NT5M: variants seen among roughly 807,000 people sequenced by gnomAD.
The protein encoded by NT5M is 5',3'-nucleotidase, mitochondrial.
Under a neutral mutation model 22.2 loss-of-function variants are expected in NT5M, and 22 were observed. That is an observed-to-expected ratio of 0.99 (90% CI 0.71 to 1.41). The LOEUF (loss-of-function observed/expected upper bound fraction) is 1.41, where lower values mean the gene tolerates loss of function less well. Among genes scored for constraint, NT5M ranks in the 40% most tolerant of loss-of-function variants. NT5M has a pLI of 0.00. For missense variants in NT5M, 322 were observed against 314.8 expected, an observed-to-expected ratio of 1.02 and a Z score of -0.17; for synonymous variants, 167 against 133.0, an observed-to-expected ratio of 1.26 and a Z score of -1.76.
At chr17:17,334,585 C>A (rs577566253) in intron 3 of NT5M, among the ~76,000 whole-genome samples, 6 of 148,830 alleles carry the variant, frequency 4.0e-5, no homozygotes, top group African/African-American at 1.5e-4. Context: ...AAGTGATTCT[C>A]GTGCCTCAGC....
At chr17:17,313,817 A>G (rs917471444) in intron 2 of NT5M, among the ~76,000 whole-genome samples, 37 of 152,280 alleles carry the variant, frequency 2.4e-4, no homozygotes, top group African/African-American at 8.9e-4. Flanking sequence ...GGAACCTGCC[A>G]GGTAGTGAAG....
In NT5M at chr17:17,333,072, CATT is replaced by C. The variant is rs199911942; in HGVS notation, c.429+9828_429+9830del. 2.2e-3 allele frequency among the ~76,000 whole-genome samples: 338 copies of C among 152,224 alleles called. 3 individuals carry two copies. The highest frequency in any genetic ancestry group is 7.3e-3 in the African/African-American group (303 of 41,538). ...TTCTCATAGGCAGGGAGTGGTGTCT[CATT>C]GTTGTTTTGATTTGCATTTCCTTGA... On this transcript the variant is annotated intron_variant, in intron 3 of 4. Transcript: ENST00000389022.
Position 17,306,246 on chromosome 17 carries a change from C to A in NT5M, c.268-297C>A, listed in dbSNP as rs560376724. On this transcript the variant is annotated intron_variant, in intron 1 of 4. Coordinates refer to ENST00000389022, the MANE Select transcript of NT5M (RefSeq NM_020201.4). ...CCACTCGAATCCAGCCTAACAAGCACGCAGTTCCTGATGATTGGCCTCAGG... is the reference window on the plus strand; with the variant it reads ...CCACTCGAATCCAGCCTAACAAGCAAGCAGTTCCTGATGATTGGCCTCAGG... Among the ~76,000 whole-genome samples, 3 of 152,310 alleles carry A rather than the reference C, an allele frequency of 2.0e-5. No homozygotes were observed. The East Asian group carries it at 5.8e-4, about 29-fold the overall frequency.
chr17:17,326,269 T>G (rs2049263993), intron 3 of NT5M, among the ~76,000 whole-genome samples: 1 of 152,208 alleles, frequency 6.6e-6, no homozygotes. Context: ...ATGAGGCAGC[T>G]CATTTACCAG....
chr17:17,316,479 G>A (rs2049030291), intron 2 of NT5M, among the ~76,000 whole-genome samples: 1 of 151,450 alleles, frequency 6.6e-6, no homozygotes, highest in Non-Finnish European at 1.5e-5. Context: ...GGGTTCAAGT[G>A]ATTCTCCTGC....
Position 17,340,780 on chromosome 17 carries a change from C to CT in NT5M, c.430-4013dup, listed in dbSNP as rs561328726. Among the ~76,000 whole-genome samples, 11 of 152,240 alleles carry CT rather than the reference C, an allele frequency of 7.2e-5. No individual in the cohort carries two copies. The South Asian group carries it at 2.1e-3, about 29-fold the overall frequency. ...GACCTTGTGATCTGCCCGCCTTGGCCTCTCAAAGTGCTGGGATTACAGTGT... is the reference window on the plus strand; with the variant it reads ...GACCTTGTGATCTGCCCGCCTTGGCCTTCTCAAAGTGCTGGGATTACAGTGT... On this transcript the variant is annotated intron_variant, in intron 3 of 4. Coordinates refer to ENST00000389022, the MANE Select transcript of NT5M (RefSeq NM_020201.4).
chr17:17,316,068 T>A (rs1278942394), intron 2 of NT5M, among the ~76,000 whole-genome samples: 1 of 148,470 alleles, frequency 6.7e-6, no homozygotes, highest in Non-Finnish European at 1.5e-5. Context: ...TTTTTTTTTT[T>A]AAATGAGACA....
chr17:17,316,085 C>T (rs938452324), intron 2 of NT5M, among the ~76,000 whole-genome samples: 1 of 139,872 alleles, frequency 7.1e-6, no homozygotes, highest in Non-Finnish European at 1.5e-5. Context: ...GACAGAATCT[C>T]ACTCTGTCCC....
intron 2 of NT5M, among the ~76,000 whole-genome samples, chr17:17,315,622 T>C (rs988143361): frequency 2.0e-5 from 3 of 152,022 alleles, no homozygotes; most frequent in African/African-American, 7.2e-5. Context: ...GGCCAGGCCT[T>C]TGTTTGTCTG....
intron 4 of NT5M, among the ~76,000 whole-genome samples, chr17:17,345,617 G>C (rs1292349291): frequency 1.5e-4 from 21 of 144,078 alleles, no homozygotes; most frequent in Non-Finnish European, 2.6e-4. Context: ...GCAACATGGT[G>C]AGACTCCCTG....
At chr17:17,335,150 T>G (rs1597792757) in intron 3 of NT5M, among the ~76,000 whole-genome samples, 1 of 152,190 alleles carries the variant, frequency 6.6e-6, no homozygotes, top group East Asian at 1.9e-4. Flanking sequence ...AAATATTTTA[T>G]AATGGTAAAT....
chr17:17,328,052 C>T (rs560178161), intron 3 of NT5M, among the ~76,000 whole-genome samples: 50 of 152,194 alleles, frequency 3.3e-4, no homozygotes, highest in African/African-American at 1.1e-3. Context: ...CTGGGTCACG[C>T]GAGGAAAGGT....
chr17:17,303,904 C>A, intron 1 of NT5M, 87 bp downstream of exon 1: 1 of 1,307,420 alleles, frequency 7.6e-7, no homozygotes, highest in South Asian at 2.0e-5. Context: ...CTTGGACGGT[C>A]AGCGCCCCAG....
Position 17,347,133 on chromosome 17 carries a change from C to T in NT5M, c.*186C>T. On this transcript the variant is annotated 3_prime_UTR_variant, in exon 5 of 5. Coordinates refer to ENST00000389022, the MANE Select transcript of NT5M (RefSeq NM_020201.4). ...AACCTGATCACGGGGCAGGGCTGGGCCCTCTGGGCGCTTGGACATAGACAC... is the reference window on the plus strand; with the variant it reads ...AACCTGATCACGGGGCAGGGCTGGGTCCTCTGGGCGCTTGGACATAGACAC... 1 of 767,536 alleles carries T rather than the reference C, an allele frequency of 1.3e-6. No homozygotes were observed. Among genetic ancestry groups the T allele is most frequent in the East Asian group, 2.8e-5 (1 of 36,034 alleles). 47.5% of individuals were successfully genotyped at this position (767,536 alleles called of 1,614,324 possible).
At chr17:17,327,344 ATT>A (rs561744146) in intron 3 of NT5M, among the ~76,000 whole-genome samples, 15 of 87,940 alleles carry the variant, frequency 1.7e-4, no homozygotes, top group Admixed American at 1.2e-4. Flanking sequence ...CAGAAACATG[ATT>A]TTTTTTTTTT....
chr17:17,328,891 G>A (rs961352296), intron 3 of NT5M, among the ~76,000 whole-genome samples: 4 of 152,200 alleles, frequency 2.6e-5, no homozygotes, highest in African/African-American at 9.7e-5. Flanking sequence ...GTTAACAATA[G>A]CCAAGCTGGT....
chr17:17,306,122 G>A (rs760740087), intron 1 of NT5M, among the ~76,000 whole-genome samples: 4 of 152,148 alleles, frequency 2.6e-5, no homozygotes, highest in South Asian at 4.2e-4. Context: ...TGTCCCTCAT[G>A]GCACCTTAAA....
At chr17:17,346,267 C>T (rs979592892) in intron 4 of NT5M, among the ~76,000 whole-genome samples, 1 of 152,070 alleles carries the variant, frequency 6.6e-6, no homozygotes, top group African/African-American at 2.4e-5. Flanking sequence ...TTGTTGGGGG[C>T]GGGTGTATAA....
In NT5M at chr17:17,338,878, C is replaced by T. The variant is rs559378913; in HGVS notation, c.430-5916C>T. ...AGTAGCTGGGACTACAGGCGCCCGC[C>T]ACCACGCCCAGCTAATTTTTTGTAT... On this transcript the variant is annotated intron_variant, in intron 3 of 4. Coordinates refer to ENST00000389022, the MANE Select transcript of NT5M (RefSeq NM_020201.4). Among the ~76,000 whole-genome samples the T allele has an allele frequency of 1.4e-3, 207 of 151,986 alleles. 1 individual carries two copies. The highest frequency in any genetic ancestry group is 4.9e-3 in the African/African-American group (202 of 41,484).
Sources: gnomAD v4.1 joint callset for allele counts (sites outside exome capture counted in the v4.1 genomes callset) on GRCh38, gnomAD v4.1.1 for gene constraint, MANE v1.5 for transcripts, NCBI Gene and HGNC (gene_info 2026-07-23, HGNC 2026-07-21) for gene names.